Variants in VAT1L observed in about 807,000 individuals in gnomAD.
VAT1L encodes vesicle amine transport 1 like.
VAT1L carries 34 observed loss-of-function variants against 44.1 expected under a neutral mutation model. That is an observed-to-expected ratio of 0.77 (90% CI 0.59 to 1.03). The LOEUF is 1.03. Ranked by LOEUF, VAT1L falls within the 50% of genes least tolerant of loss-of-function variation. The pLI, the probability that VAT1L is intolerant of heterozygous loss-of-function variation, is 0.00. For synonymous variants in VAT1L, 253 were observed against 202.2 expected, an observed-to-expected ratio of 1.25 and a Z score of -2.13; for missense variants, 615 against 538.8, an observed-to-expected ratio of 1.14 and a Z score of -1.40.
chr16:77,934,958 T>C lies in VAT1L; in HGVS notation c.1078-36892T>C, dbSNP rs142554290. ...TAATGGACCTGCCTGTCATTTTACC[T>C]TGAAAAGGGACCCTAGTCTAGTTTT... On this transcript the variant is annotated intron_variant, in intron 7 of 8. Transcript: ENST00000302536. Among the ~76,000 whole-genome samples, 545 of 152,208 alleles carry C rather than the reference T, an allele frequency of 3.6e-3. 4 individuals are homozygous for C. The highest frequency in any genetic ancestry group is 0.013 in the African/African-American group (520 of 41,524).
rs80113931 is a variant in VAT1L at position 77,861,401 on chromosome 16, C to T, written c.580-1347C>T. ...CTTCAAGTTTGACCATACTGAAAAA[C>T]GATATGGAAAAATAAACCTGCTCCT... is the stretch of plus-strand genomic sequence containing the variant. On this transcript the variant is annotated intron_variant, in intron 3 of 8. Transcript: ENST00000302536. Among the ~76,000 whole-genome samples the T allele has an allele frequency of 9.4e-3, 1,434 of 152,244 alleles. 33 individuals carry two copies. Among genetic ancestry groups the T allele is most frequent in the African/African-American group, 0.033 (1,378 of 41,538 alleles).
chr16:77,795,829 T>TTC (rs1555510582), intron 1 of VAT1L, among the ~76,000 whole-genome samples: 6 of 146,452 alleles, frequency 4.1e-5, no homozygotes, highest in Admixed American at 4.1e-4. Flanking sequence ...TTTTTTTTTT[T>TTC]TTTTTTTTTC....
chr16:77,866,113 C>T (rs917829388), intron 4 of VAT1L, among the ~76,000 whole-genome samples: 1 of 152,140 alleles, frequency 6.6e-6, no homozygotes, highest in African/African-American at 2.4e-5. Flanking sequence ...TTTACACAAC[C>T]CTCCGTCCTA....
intron 7 of VAT1L, among the ~76,000 whole-genome samples, chr16:77,926,473 A>G (rs983451038): frequency 6.6e-6 from 1 of 151,828 alleles, no homozygotes. Context: ...AATCCCAGCT[A>G]CTCAAGAGGC....
intron 7 of VAT1L, among the ~76,000 whole-genome samples, chr16:77,902,681 C>G (rs937775305): frequency 1.7e-5 from 2 of 117,550 alleles, no homozygotes; most frequent in Admixed American, 2.5e-4. Context: ...AAAGGCCGAG[C>G]ATGGTGGCTG....
intron 4 of VAT1L, among the ~76,000 whole-genome samples, chr16:77,875,594 TAGTG>T (rs1282577470): frequency 6.6e-6 from 1 of 152,168 alleles, no homozygotes; most frequent in African/African-American, 2.4e-5. Context: ...TTACATGCAT[TAGTG>T]AGTGAGTGAG....
chr16:77,862,854 T>G lies in VAT1L; in HGVS notation c.686T>G (p.Phe229Cys). 6.2e-7 allele frequency: 1 copy of G among 1,614,024 alleles called. No homozygotes were observed. Among genetic ancestry groups the G allele is most frequent in the South Asian group, 1.1e-5 (1 of 91,054 alleles). ...ATCAAAGACTCTGTGACCCACCTCT[T>G]TGACAGAAATGCAGACTACGTGCAA... Reference protein sequence around the residue: ...EAIKDSVTHLFDRNADYVQEV... With the variant: ...EAIKDSVTHLCDRNADYVQEV... The change falls in exon 4 of 9, where the codon TTT (phenylalanine) becomes TGT (cysteine). Residue 229 changes from phenylalanine (F) to cysteine (C), a missense_variant. Physicochemically the swap from Phe to Cys is radical, Grantham distance 205. Coordinates refer to ENST00000302536, the MANE Select transcript of VAT1L (RefSeq NM_020927.3).
In VAT1L at chr16:77,788,596, A is replaced by C; in HGVS notation, c.-87A>C. On this transcript the variant is annotated 5_prime_UTR_variant, in exon 1 of 9. Coordinates refer to ENST00000302536, the MANE Select transcript of VAT1L (RefSeq NM_020927.3). ...AGCCGAGCATCCCACATTCAACAGG[A>C]GGAACCCGCGGGAGAGGAGCCCCAC... The C allele has an allele frequency of 6.9e-7, 1 of 1,446,074 alleles. No individual in the cohort carries two copies. The highest frequency in any genetic ancestry group is 9.4e-7 in the Non-Finnish European group (1 of 1,065,804). The allele number at this position is 1,446,074 out of a possible 1,614,324, so 89.6% of individuals were successfully genotyped here. A position where few individuals can be genotyped will look rare whatever the true frequency, so the allele number is the denominator to read the frequency against.
At chr16:77,874,740 C>T (rs1388229197) in intron 4 of VAT1L, among the ~76,000 whole-genome samples, 2 of 151,612 alleles carry the variant, frequency 1.3e-5, no homozygotes, top group Non-Finnish European at 2.9e-5. Context: ...TGAATATCTG[C>T]CTCTTATACG....
intron 7 of VAT1L, among the ~76,000 whole-genome samples, chr16:77,957,392 G>A (rs983876482): frequency 6.6e-6 from 1 of 152,114 alleles, no homozygotes; most frequent in Non-Finnish European, 1.5e-5. Flanking sequence ...TCCCTGAGTT[G>A]AGGGTTTTGT....
chr16:77,823,965 T>A (rs1284558752), intron 2 of VAT1L, among the ~76,000 whole-genome samples: 5 of 152,200 alleles, frequency 3.3e-5, no homozygotes, highest in South Asian at 2.1e-4. Flanking sequence ...GGAGGTTGCA[T>A]TGAGCTGAGA....
intron 7 of VAT1L, among the ~76,000 whole-genome samples, chr16:77,942,006 C>T (rs1412086110): frequency 6.6e-6 from 1 of 152,108 alleles, no homozygotes; most frequent in East Asian, 1.9e-4. Flanking sequence ...TAATAATAGC[C>T]ATTCTGACTG....
chr16:77,903,439 G>A (rs1032321283), intron 7 of VAT1L, among the ~76,000 whole-genome samples: 3 of 152,092 alleles, frequency 2.0e-5, no homozygotes, highest in African/African-American at 4.8e-5. Flanking sequence ...GTTTCTGAGG[G>A]TGAAAATTAA....
At position 77,794,638 on chromosome 16, in the gene VAT1L, G is replaced by A. The variant is rs371149408; in HGVS notation, c.233+5723G>A. ...TGTGTTTATTCAAAATAAACAAGTG[G>A]CATCCATGAGGTTAAGATGTTTGTA... On this transcript the variant is annotated intron_variant, in intron 1 of 8. Transcript: ENST00000302536. Among the ~76,000 whole-genome samples the A allele has an allele frequency of 8.5e-5, 13 of 152,322 alleles. No homozygotes were observed. In the East Asian group the frequency reaches 2.5e-3, roughly 29 times the overall value.
intron 8 of VAT1L, among the ~76,000 whole-genome samples, chr16:77,976,137 C>A (rs187664730): frequency 5.3e-5 from 8 of 152,272 alleles, no homozygotes; most frequent in Admixed American, 1.3e-4. Context: ...TGCATATGTA[C>A]CTAGTGGTAG....
intron 7 of VAT1L, among the ~76,000 whole-genome samples, chr16:77,950,409 A>ACACACAC (rs2018027878): frequency 1.5e-5 from 2 of 131,432 alleles, no homozygotes; most frequent in East Asian, 2.3e-4. Context: ...ATTCCATCTA[A>ACACACAC]ACACACACAC....
intron 7 of VAT1L, among the ~76,000 whole-genome samples, chr16:77,898,708 T>C (rs2017350023): frequency 6.6e-6 from 1 of 152,196 alleles, no homozygotes; most frequent in African/African-American, 2.4e-5. Flanking sequence ...TTCCATCACC[T>C]TGCAGTCAAA....
chr16:77,843,630 G>A (rs931153165), intron 3 of VAT1L, among the ~76,000 whole-genome samples: 6 of 152,158 alleles, frequency 3.9e-5, no homozygotes, highest in African/African-American at 1.4e-4. Context: ...GCTAAAAGGA[G>A]CCCTGTTCTC....
At chr16:77,815,150 T>C (rs1164856432) in intron 1 of VAT1L, among the ~76,000 whole-genome samples, 1 of 152,212 alleles carries the variant, frequency 6.6e-6, no homozygotes, top group Non-Finnish European at 1.5e-5. Flanking sequence ...CATGTTAAAT[T>C]ATTAACATTT....
Sources: gnomAD v4.1 joint callset for allele counts (sites outside exome capture counted in the v4.1 genomes callset) on GRCh38, gnomAD v4.1.1 for gene constraint, MANE v1.5 for transcripts, NCBI Gene and HGNC (gene_info 2026-07-23, HGNC 2026-07-21) for gene names.